Variants in VPS13A observed in about 807,000 individuals in gnomAD.
VPS13A encodes the protein intermembrane lipid transfer protein VPS13A.
Under a neutral mutation model 390.9 loss-of-function variants are expected in VPS13A, and 264 were observed. The ratio of observed to expected loss-of-function variants is 0.68; its 90% CI spans 0.61 to 0.75. VPS13A has a LOEUF of 0.75. Among genes scored for constraint, VPS13A ranks in the 30% least tolerant of loss-of-function variants. VPS13A has a pLI of 0.00. For missense variants in VPS13A, 3,409 were observed against 3,733.9 expected (o/e 0.91, Z 2.27); for synonymous variants, 1,231 against 1,227.1 (o/e 1.00, Z -0.07).
At chr9:77,226,850 A>C (rs1378648626) in intron 15 of VPS13A, among the ~76,000 whole-genome samples, 1 of 152,144 alleles carries the variant, frequency 6.6e-6, no homozygotes, top group African/African-American at 2.4e-5. Context: ...ATAGCACAGT[A>C]ATAAATAAAT....
Position 77,419,532 on chromosome 9 carries a change from G to C in VPS13A, c.*3526G>C, listed in dbSNP as rs1054014098. On this transcript the variant is annotated 3_prime_UTR_variant, in exon 72 of 72. Coordinates refer to ENST00000360280, the MANE Select transcript of VPS13A (RefSeq NM_033305.3). ...AAGGAGCAGCAGATCCACAACTCAG[G>C]AAGTCTAGAGATGCTTAGCACTTCT... 6.6e-6 allele frequency: 1 copy of C among 152,172 alleles called. No individual in the cohort carries two copies. The highest frequency in any genetic ancestry group is 2.4e-5 in the African/African-American group (1 of 41,458). The allele number at this position is 152,172 out of a possible 1,614,324, so 9.4% of individuals were successfully genotyped here. A position where few individuals can be genotyped will look rare whatever the true frequency, so the allele number is the denominator to read the frequency against.
At chr9:77,323,915 C>T (rs1020185907) in intron 45 of VPS13A, among the ~76,000 whole-genome samples, 2 of 151,848 alleles carry the variant, frequency 1.3e-5, no homozygotes, top group African/African-American at 2.4e-5. Context: ...ATGTATATGC[C>T]GCATAGCCAT....
At chr9:77,341,496 A>C (rs977789781) in intron 50 of VPS13A, among the ~76,000 whole-genome samples, 7 of 151,990 alleles carry the variant, frequency 4.6e-5, no homozygotes, top group Non-Finnish European at 8.8e-5. Context: ...AATGTATTTC[A>C]TGCTTTCTGT....
chr9:77,282,043 C>T, intron 28 of VPS13A, 78 bp from the exon 29 acceptor site: 5 of 1,441,356 alleles, frequency 3.5e-6, no homozygotes, highest in East Asian at 2.3e-5. Flanking sequence ...TCCTTTATGC[C>T]ACAAAGCATA....
chr9:77,187,257 T>C (rs1198996816), intron 1 of VPS13A, among the ~76,000 whole-genome samples: 1 of 152,214 alleles, frequency 6.6e-6, no homozygotes, highest in African/African-American at 2.4e-5. Context: ...AGAAGCAGAA[T>C]TACTGGATCA....
intron 4 of VPS13A, 99 bp from the exon 5 acceptor site, chr9:77,205,879 C>G (rs971687161): frequency 1.1e-6 from 1 of 925,692 alleles, no homozygotes; most frequent in African/African-American, 1.7e-5. Context: ...CATGAGCCAC[C>G]GCGCCCGGCC....
intron 68 of VPS13A, chr9:77,384,912 T>C (rs1402932714): frequency 3.7e-6 from 5 of 1,354,002 alleles, no homozygotes; most frequent in Non-Finnish European, 4.8e-6. Flanking sequence ...TTTGCTTTTA[T>C]ATATTTTATA....
chr9:77,241,311 C>G lies in VPS13A; in HGVS notation c.1900+2925C>G, dbSNP rs1824478097. Reference sequence around the variant, plus strand: ...AGCCATGCCCAATGTGGTATCAAATCTCTTCATTAAGTTTAATTTCAGTGA... The same window carrying G: ...AGCCATGCCCAATGTGGTATCAAATGTCTTCATTAAGTTTAATTTCAGTGA... On this transcript the variant is annotated intron_variant, in intron 19 of 71. Transcript: ENST00000360280. Among the ~76,000 whole-genome samples the G allele has an allele frequency of 7.9e-5, 12 of 152,082 alleles. 1 individual carries two copies. The highest frequency in any genetic ancestry group is 7.9e-4 in the Admixed American group (12 of 15,258).
chr9:77,270,264 A>C (rs951965969), intron 23 of VPS13A, among the ~76,000 whole-genome samples: 1 of 152,236 alleles, frequency 6.6e-6, no homozygotes. Flanking sequence ...GATATAAAAT[A>C]TGGACGTTCA....
chr9:77,370,399 A>G lies in VPS13A; in HGVS notation c.8744-16A>G. ...GTAATGGCATCATTACTTTTACTAA[A>G]GATAATTTCTGTCAGGTGGATTGGC... is the stretch of plus-strand genomic sequence containing the variant. On this transcript the variant is annotated splice_polypyrimidine_tract_variant and intron_variant, in intron 64 of 71. Coordinates refer to ENST00000360280, the MANE Select transcript of VPS13A (RefSeq NM_033305.3). 1 of 1,614,170 alleles carries G rather than the reference A, an allele frequency of 6.2e-7. No homozygotes were observed.
intron 22 of VPS13A, among the ~76,000 whole-genome samples, chr9:77,256,306 T>C (rs1825440224): frequency 6.6e-6 from 1 of 152,192 alleles, no homozygotes; most frequent in Non-Finnish European, 1.5e-5. Flanking sequence ...TCTACACTTT[T>C]TCCTTCTACT....
At chr9:77,275,921 CTGTG>C (rs1369303766) in intron 25 of VPS13A, 140 bp from the exon 26 acceptor site, 1 of 875,914 alleles carries the variant, frequency 1.1e-6, no homozygotes, top group Middle Eastern at 3.5e-4. Flanking sequence ...TATTGTATGT[CTGTG>C]TGGGTATAAA....
chr9:77,384,879 G>A lies in VPS13A; in HGVS notation c.9189+2792G>A, dbSNP rs1229328033. 9 of 1,419,218 alleles carry A rather than the reference G, an allele frequency of 6.3e-6. No homozygotes were observed. In the East Asian group the frequency reaches 1.3e-4, roughly 20 times the overall value. 87.9% of individuals were successfully genotyped at this position (1,419,218 alleles called of 1,614,324 possible). ...AAATGTATCTTACATCCAAAGTAGG[G>A]AGGGCATCCAACATATTATAGATTT... On this transcript the variant is annotated intron_variant, in intron 68 of 71. Coordinates refer to ENST00000360280, the MANE Select transcript of VPS13A (RefSeq NM_033305.3).
chr9:77,406,545 G>C (rs1462723103), intron 70 of VPS13A, among the ~76,000 whole-genome samples: 2 of 151,990 alleles, frequency 1.3e-5, no homozygotes, highest in Non-Finnish European at 2.9e-5. Flanking sequence ...AGCCTCCTGA[G>C]TAGCTGGGAT....
chr9:77,243,754 T>C (rs1824642565), intron 19 of VPS13A, among the ~76,000 whole-genome samples: 1 of 152,204 alleles, frequency 6.6e-6, no homozygotes, highest in African/African-American at 2.4e-5. Context: ...TGCCTATTGA[T>C]AGATGTTATA....
At chr9:77,387,872 T>C (rs1484952548) in intron 68 of VPS13A, among the ~76,000 whole-genome samples, 1 of 130,218 alleles carries the variant, frequency 7.7e-6, no homozygotes, top group Non-Finnish European at 1.7e-5. Context: ...CAATATTCAA[T>C]GTGAAAAATA....
chr9:77,179,269 A>T (rs1823853242), intron 1 of VPS13A, among the ~76,000 whole-genome samples: 1 of 152,170 alleles, frequency 6.6e-6, no homozygotes, highest in South Asian at 2.1e-4. Context: ...CTTGTGATAC[A>T]GTTCTGTCTT....
At chr9:77,316,743 G>C (rs188061976) in intron 39 of VPS13A, among the ~76,000 whole-genome samples, 1 of 152,104 alleles carries the variant, frequency 6.6e-6, no homozygotes, top group East Asian at 1.9e-4. Flanking sequence ...GTTGTTTGCT[G>C]TGTTGTTTCA....
At chr9:77,280,725 C>T (rs535324372) in intron 27 of VPS13A, among the ~76,000 whole-genome samples, 1 of 152,142 alleles carries the variant, frequency 6.6e-6, no homozygotes, top group Admixed American at 6.5e-5. Context: ...TGCTGACTTC[C>T]GTGTTTCTGC....
Sources: allele counts gnomAD v4.1 joint callset (sites outside exome capture counted in the v4.1 genomes callset), GRCh38; gene constraint gnomAD v4.1.1; transcripts MANE v1.5; gene names NCBI Gene and HGNC (gene_info 2026-07-23, HGNC 2026-07-21).